Variants in MUC22 observed in about 807,000 individuals in gnomAD.
The protein encoded by MUC22 is mucin 22.
A neutral mutation model predicts 40.3 loss-of-function variants in MUC22; 24 were observed. The observed-to-expected ratio is 0.60, with a 90% CI of 0.43 to 0.84. MUC22 has a LOEUF of 0.84. MUC22 is among the 40% of genes least tolerant of loss of function. The probability of loss-of-function intolerance (pLI) is 0.00; values close to 1 mark genes in which losing one functional copy is unlikely to be tolerated. For synonymous variants in MUC22, 765 were observed against 844.5 expected (o/e 0.91, Z 1.63); for missense variants, 1,926 against 2,130.7 (o/e 0.90, Z 1.89).
At chr6:31,010,722 A>G (rs976786876) in exon 1 of MUC22, 3 of 702,586 alleles carry the variant, frequency 4.3e-6, no homozygotes, top group Non-Finnish European at 7.8e-6. Flanking sequence ...AAGAGGAAAT[A>G]TCTCTCCTGC....
chr6:31,025,682 C>A (rs753280371), exon 2 of MUC22: 1 of 1,533,042 alleles, frequency 6.5e-7, no homozygotes, highest in South Asian at 1.2e-5. Flanking sequence ...ATGGCTTCTA[C>A]TGCAGCCTTC....
chr6:31,024,104 A>G (rs1765082720), intron 1 of MUC22, among the ~76,000 whole-genome samples: 2 of 152,174 alleles, frequency 1.3e-5, no homozygotes, highest in Non-Finnish European at 2.9e-5. Flanking sequence ...TTTAAGGAAA[A>G]TTCTATAAAA....
At chr6:31,026,587 A>C (rs1356890491) in exon 2 of MUC22, 1 of 1,502,266 alleles carries the variant, frequency 6.7e-7, no homozygotes, top group Non-Finnish European at 8.9e-7. Context: ...AAGCTCTGAG[A>C]CCACCGTCAC....
rs191370158 is a variant in MUC22 at position 31,017,368 on chromosome 6, C to A, written c.70+6592C>A. ...CAAGGTTTGCAAATGCACCAATCAG[C>A]ACCCTGTGTCTAGCTAATCTGGTGG... On this transcript the variant is annotated intron_variant, in intron 1 of 3. Coordinates refer to ENST00000561890, the Ensembl canonical transcript of MUC22. 4.3e-3 allele frequency among the ~76,000 whole-genome samples: 660 copies of A among 152,208 alleles called. 18 individuals are homozygous for A. In the South Asian group the frequency reaches 0.065, roughly 15 times the overall value.
At chr6:31,020,550 C>G (rs1259885217) in intron 1 of MUC22, among the ~76,000 whole-genome samples, 1 of 149,882 alleles carries the variant, frequency 6.7e-6, no homozygotes, top group Non-Finnish European at 1.5e-5. Flanking sequence ...TGAGAGGTGA[C>G]AGCGTGCTGG....
intron 1 of MUC22, among the ~76,000 whole-genome samples, chr6:31,024,356 T>A (rs1305735058): frequency 2.6e-5 from 4 of 152,234 alleles, no homozygotes. Context: ...TGTATTATGG[T>A]TGCGTATGAG....
chr6:31,028,478 C>T, exon 2 of MUC22: 1 of 1,534,470 alleles, frequency 6.5e-7, no homozygotes, highest in Non-Finnish European at 8.7e-7. Context: ...GAGACCACCA[C>T]AGCCTCTACT....
chr6:31,028,564 A>G (rs1303551089), exon 2 of MUC22: 1 of 1,534,084 alleles, frequency 6.5e-7, no homozygotes, highest in African/African-American at 1.4e-5. Context: ...CTCTGAGACC[A>G]CCAAGGTCTC....
exon 2 of MUC22, chr6:31,025,889 T>C (rs553427229): frequency 6.5e-7 from 1 of 1,533,802 alleles, no homozygotes; most frequent in East Asian, 2.5e-5. Context: ...GAGACTACCA[T>C]GGCCTCCAGC....
At chr6:31,029,736 C>T in exon 2 of MUC22, 1 of 1,530,790 alleles carries the variant, frequency 6.5e-7, no homozygotes, top group Non-Finnish European at 8.7e-7. Flanking sequence ...GCTCTGAGAC[C>T]ACCACAGCCT....
upstream of MUC22, among the ~76,000 whole-genome samples, chr6:31,008,372 C>T (rs1264813109): frequency 2.0e-5 from 3 of 152,104 alleles, no homozygotes; most frequent in East Asian, 1.9e-4. Context: ...CTTGAAGGGC[C>T]GAAGTCTTGT....
chr6:31,013,251 T>G, intron 1 of MUC22, among the ~76,000 whole-genome samples: 1 of 151,300 alleles, frequency 6.6e-6, no homozygotes, highest in East Asian at 2.0e-4. Flanking sequence ...CTCAGCCTCC[T>G]GAGTAGCTGG....
At chr6:31,030,169 T>C in intron 2 of MUC22, 69 bp downstream of exon 2, 3 of 1,421,814 alleles carry the variant, frequency 2.1e-6, no homozygotes, top group Non-Finnish European at 2.8e-6. Flanking sequence ...GCTGTTCACC[T>C]GTTTCTATCA....
chr6:31,029,476 T>C, exon 2 of MUC22: 1 of 1,534,282 alleles, frequency 6.5e-7, no homozygotes, highest in Non-Finnish European at 8.7e-7. Flanking sequence ...CACCACAGCC[T>C]CTACCGCAGG....
intron 1 of MUC22, among the ~76,000 whole-genome samples, chr6:31,019,031 C>CA (rs1185781473): frequency 6.6e-6 from 1 of 152,216 alleles, no homozygotes; most frequent in Non-Finnish European, 1.5e-5. Context: ...CTTCCAGTTT[C>CA]ACGTCTTTTG....
chr6:31,030,207 C>G (rs1057380469), intron 2 of MUC22, 107 bp downstream of exon 2: 2 of 1,266,426 alleles, frequency 1.6e-6, no homozygotes, highest in African/African-American at 3.0e-5. Context: ...GTCAAGCCAG[C>G]ACACAGTTAG....
rs973987976 is a variant in MUC22 at position 31,035,053 on chromosome 6, G to C, written c.*115G>C. Reference sequence around the variant, plus strand: ...ATTATGGGTGGGAGGGGGTCATGGAGGAGAAAAAAATAATGATCATGAAAT... The same window carrying C: ...ATTATGGGTGGGAGGGGGTCATGGACGAGAAAAAAATAATGATCATGAAAT... On this transcript the variant is annotated 3_prime_UTR_variant, in exon 4 of 4. Coordinates refer to ENST00000561890, the Ensembl canonical transcript of MUC22. 6 of 1,090,098 alleles carry C rather than the reference G, an allele frequency of 5.5e-6. No individual in the cohort carries two copies. In the Admixed American group the frequency reaches 1.7e-4, roughly 31 times the overall value. The allele number at this position is 1,090,098 out of a possible 1,614,324, so 67.5% of individuals were successfully genotyped here.
rs1241977884 is a variant in MUC22 at position 31,032,247 on chromosome 6, C to A, written c.4721C>A (p.Ala1574Asp). 5.9e-6 allele frequency: 9 copies of A among 1,535,474 alleles called. No individual in the cohort carries two copies. In the African/African-American group the frequency reaches 9.6e-5, roughly 16 times the overall value. The change falls in exon 3 of 4, where the codon GCC (alanine) becomes GAC (aspartate). Residue 1574 changes from alanine to aspartate, a missense_variant. Ala to Asp is a moderately radical substitution (Grantham distance 126, BLOSUM62 -2). Around this residue, in one of 3 missense-constraint regions of MUC22, gnomAD observed 610 missense variants for 714.6 expected, o/e 0.85. Coordinates refer to ENST00000561890, the Ensembl canonical transcript of MUC22. This position sits in a 1 kb window ranked among gnomAD's most constrained non-coding sequence, Gnocchi z 4.1. ...ACTGCCTCCAGCTCTGTCACCATGG[C>A]CCCTGGAATGGACTTCACGGCCTCT...
intron 3 of MUC22, among the ~76,000 whole-genome samples, chr6:31,033,137 C>A (rs1766190477): frequency 1.3e-5 from 2 of 151,312 alleles, no homozygotes; most frequent in African/African-American, 4.9e-5. Context: ...TGCACTCCAG[C>A]CTGAGTGACA....
Sources: gnomAD v4.1 joint callset for allele counts (sites outside exome capture counted in the v4.1 genomes callset) on GRCh38, gnomAD v4.1.1 for gene constraint, gnomAD v4.1.1 regional missense constraint, Gnocchi (gnomAD v3.1) non-coding constraint, MANE v1.5 for transcripts, NCBI Gene and HGNC (gene_info 2026-07-23, HGNC 2026-07-21) for gene names.